The following PCLO variants were observed in gnomAD, a reference collection of about 807,000 sequenced individuals.
The protein encoded by PCLO is protein piccolo.
Under a neutral mutation model 427.5 loss-of-function variants are expected in PCLO, and 82 were observed. The observed-to-expected ratio is 0.19, with a 90% CI of 0.16 to 0.23. The LOEUF (loss-of-function observed/expected upper bound fraction) is 0.23, where lower values mean the gene tolerates loss of function less well. Ranked by LOEUF, PCLO falls within the 10% of genes least tolerant of loss-of-function variation. The pLI, the probability that PCLO is intolerant of heterozygous loss-of-function variation, is 1.00. For synonymous variants in PCLO, 2,357 were observed against 2,155.4 expected (o/e 1.09, Z -2.59); for missense variants, 6,239 against 6,115.9 (o/e 1.02, Z -0.67).
At chr7:82,871,830 C>A (rs1793245287) in intron 10 of PCLO, among the ~76,000 whole-genome samples, 1 of 151,316 alleles carries the variant, frequency 6.6e-6, no homozygotes, top group Non-Finnish European at 1.5e-5. Flanking sequence ...AAAAACAAGA[C>A]AAAAGTCCTG....
At chr7:83,064,404 G>A (rs1789613794) in intron 3 of PCLO, among the ~76,000 whole-genome samples, 1 of 151,948 alleles carries the variant, frequency 6.6e-6, no homozygotes, top group African/African-American at 2.4e-5. Context: ...GGACAAAGCA[G>A]GGAACACTTT....
chr7:82,841,703 A>T (rs1792371465), intron 13 of PCLO, among the ~76,000 whole-genome samples, 194 bp from the exon 14 acceptor site: 1 of 152,038 alleles, frequency 6.6e-6, no homozygotes, highest in Non-Finnish European at 1.5e-5. Context: ...ACAGATGCAT[A>T]AATCTATTTT....
At chr7:82,812,887 T>C (rs763274297) in intron 20 of PCLO, among the ~76,000 whole-genome samples, 4 of 151,340 alleles carry the variant, frequency 2.6e-5, no homozygotes, top group Non-Finnish European at 4.4e-5. Flanking sequence ...GGCTGTCAGA[T>C]AGGTATTTCC....
chr7:82,917,176 C>G (rs905872292), intron 6 of PCLO, among the ~76,000 whole-genome samples: 1 of 152,072 alleles, frequency 6.6e-6, no homozygotes, highest in Non-Finnish European at 1.5e-5. Flanking sequence ...GTTTTATTAA[C>G]CATCTAAAAT....
At chr7:82,816,347 G>T (rs1286399008) in intron 20 of PCLO, among the ~76,000 whole-genome samples, 1 of 151,926 alleles carries the variant, frequency 6.6e-6, no homozygotes, top group Non-Finnish European at 1.5e-5. Flanking sequence ...CTGGTTCCAT[G>T]ATCCTCCTAT....
intron 21 of PCLO, among the ~76,000 whole-genome samples, chr7:82,802,202 C>T (rs933319224): frequency 6.7e-6 from 1 of 149,572 alleles, no homozygotes; most frequent in Non-Finnish European, 1.5e-5. Context: ...AGTACCTGGT[C>T]AAGACTGTTT....
At chr7:83,032,005 T>C (rs889781497) in intron 3 of PCLO, among the ~76,000 whole-genome samples, 5 of 152,168 alleles carry the variant, frequency 3.3e-5, no homozygotes, top group Admixed American at 3.3e-4. Flanking sequence ...AATTTAGATG[T>C]AGGACTGGTT....
chr7:82,884,061 G>A (rs566071370), intron 9 of PCLO, among the ~76,000 whole-genome samples: 20 of 152,204 alleles, frequency 1.3e-4, no homozygotes, highest in Admixed American at 2.0e-4. Flanking sequence ...GAGCCACCGC[G>A]CCTGGACTTT....
rs1408941782 is a variant in PCLO at position 82,963,040 on chromosome 7, A to G, written c.4017+2731T>C. Among the ~76,000 whole-genome samples, 5 of 152,026 alleles carry G rather than the reference A, an allele frequency of 3.3e-5. No individual in the cohort carries two copies. The East Asian group carries it at 9.6e-4, about 29-fold the overall frequency. ...ATTGCAAGTGTTTTTCAGTAATACA[A>G]TACTTATTAGATAGCAAGAAAATAA... is the stretch of plus-strand genomic sequence containing the variant. On this transcript the variant is annotated intron_variant, in intron 4 of 24. Transcript: ENST00000333891.
chr7:83,009,797 T>C (rs1389820051), intron 3 of PCLO, among the ~76,000 whole-genome samples: 1 of 151,976 alleles, frequency 6.6e-6, no homozygotes, highest in Non-Finnish European at 1.5e-5. Context: ...ACCCATTATC[T>C]ACAGATTGCC....
rs143264629 is a variant in PCLO, at chr7:83,156,055, C to T, written c.586G>A (p.Val196Ile). The T allele has an allele frequency of 3.1e-6, 5 of 1,613,206 alleles. No individual in the cohort carries two copies. Among genetic ancestry groups the T allele is most frequent in the Non-Finnish European group, 4.2e-6 (5 of 1,179,798 alleles). ...QEETTKKQKV[V>I]QKEQGKPEGI... ...TCAGGTTTTCCTTGCTCCTTCTGAACCACTTTTTGTTTCTTGGTGGTTTCT... is the reference window on the plus strand; with the variant it reads ...TCAGGTTTTCCTTGCTCCTTCTGAATCACTTTTTGTTTCTTGGTGGTTTCT... Residue 196 changes from valine (V) to isoleucine (I), a missense_variant, in exon 2 of 25, where the codon GTT becomes ATT. Val to Ile is a conservative substitution (Grantham distance 29). This residue lies in a region of PCLO where 4,677 missense variants were observed against 4,468.4 expected (regional missense o/e 1.05). Coordinates refer to ENST00000333891, the MANE Select transcript of PCLO (RefSeq NM_033026.6).
chr7:82,857,907 T>TA (rs1242590711), intron 10 of PCLO, among the ~76,000 whole-genome samples: 3 of 152,108 alleles, frequency 2.0e-5, no homozygotes, highest in Non-Finnish European at 2.9e-5. Context: ...TTGTTATGTA[T>TA]AAAAATGTTA....
At chr7:82,886,406 C>A (rs545696133) in intron 9 of PCLO, among the ~76,000 whole-genome samples, 1 of 152,070 alleles carries the variant, frequency 6.6e-6, no homozygotes, top group East Asian at 1.9e-4. Context: ...CTTAATATTT[C>A]TATATCTTGG....
intron 3 of PCLO, among the ~76,000 whole-genome samples, chr7:83,132,013 G>A (rs2116605096): frequency 6.6e-6 from 1 of 152,062 alleles, no homozygotes; most frequent in Non-Finnish European, 1.5e-5. Context: ...GCAAACACAT[G>A]CCATTCTTTT....
intron 13 of PCLO, 50 bp from the exon 14 acceptor site, chr7:82,841,559 A>G: frequency 8.8e-7 from 1 of 1,137,366 alleles, no homozygotes; most frequent in Non-Finnish European, 1.3e-6. Flanking sequence ...TTTTTCACAT[A>G]ATTTATCATT....
At chr7:83,138,435 C>G (rs1031706130) in intron 2 of PCLO, among the ~76,000 whole-genome samples, 4 of 152,056 alleles carry the variant, frequency 2.6e-5, no homozygotes, top group Admixed American at 2.6e-4. Flanking sequence ...CCAACATGGG[C>G]AGATCTCCTG....
intron 3 of PCLO, among the ~76,000 whole-genome samples, chr7:83,129,843 A>G (rs972864670): frequency 6.6e-6 from 1 of 152,202 alleles, no homozygotes; most frequent in African/African-American, 2.4e-5. Flanking sequence ...CTACGTAAAA[A>G]TGCATAGAAA....
intron 6 of PCLO, among the ~76,000 whole-genome samples, chr7:82,934,133 T>C (rs1794899108): frequency 6.6e-6 from 1 of 151,960 alleles, no homozygotes; most frequent in Non-Finnish European, 1.5e-5. Flanking sequence ...CAAAATTATT[T>C]AGAATGTTCT....
chr7:82,945,349 A>G (rs767388882), intron 6 of PCLO, among the ~76,000 whole-genome samples: 3 of 152,226 alleles, frequency 2.0e-5, no homozygotes, highest in Non-Finnish European at 2.9e-5. Flanking sequence ...GAGCAAACAA[A>G]AAGTACAATA....
Sources: allele counts gnomAD v4.1 joint callset (sites outside exome capture counted in the v4.1 genomes callset), GRCh38; gene constraint gnomAD v4.1.1; regional missense constraint gnomAD v4.1.1; transcripts MANE v1.5; gene names NCBI Gene and HGNC (gene_info 2026-07-23, HGNC 2026-07-21).